CNTNAP5: variants seen among roughly 807,000 people sequenced by gnomAD.
The protein encoded by CNTNAP5 is contactin associated protein family member 5.
Under a neutral mutation model 150.2 loss-of-function variants are expected in CNTNAP5, and 72 were observed. That is an observed-to-expected ratio of 0.48 (90% CI 0.40 to 0.58). CNTNAP5 has a LOEUF of 0.58. Ranked by LOEUF, CNTNAP5 falls within the 20% of genes least tolerant of loss-of-function variation. The pLI is 0.00. For synonymous variants in CNTNAP5, 672 were observed against 619.8 expected (o/e 1.08, Z -1.25); for missense variants, 1,636 against 1,626.2 (o/e 1.01, Z -0.10).
At chr2:124,892,056 A>G (rs937443140) in intron 21 of CNTNAP5, among the ~76,000 whole-genome samples, 8 of 152,076 alleles carry the variant, frequency 5.3e-5, no homozygotes, top group African/African-American at 1.9e-4. Context: ...TAAGTCTAGA[A>G]AGAATTCTGG....
chr2:124,256,131 C>T (rs1427199237), intron 3 of CNTNAP5, among the ~76,000 whole-genome samples: 1 of 152,018 alleles, frequency 6.6e-6, no homozygotes, highest in Non-Finnish European at 1.5e-5. Flanking sequence ...TGGTACATTG[C>T]TTACATCTGT....
chr2:124,261,051 A>G (rs2104600933), intron 3 of CNTNAP5, among the ~76,000 whole-genome samples: 1 of 152,292 alleles, frequency 6.6e-6, no homozygotes, highest in East Asian at 1.9e-4. Context: ...ATAAAATTAG[A>G]AATGGCAAGG....
chr2:124,662,163 C>A (rs1187891118), intron 13 of CNTNAP5, among the ~76,000 whole-genome samples: 1 of 152,084 alleles, frequency 6.6e-6, no homozygotes, highest in Non-Finnish European at 1.5e-5. Flanking sequence ...TGAACTCATC[C>A]TTTTTTATGG....
At chr2:124,661,452 T>A (rs1270094084) in intron 13 of CNTNAP5, among the ~76,000 whole-genome samples, 2 of 152,164 alleles carry the variant, frequency 1.3e-5, no homozygotes, top group Non-Finnish European at 2.9e-5. Context: ...TATCTCCACA[T>A]CTTGTCCCAT....
chr2:124,894,566 T>G (rs1203828655), intron 21 of CNTNAP5, among the ~76,000 whole-genome samples: 1 of 151,156 alleles, frequency 6.6e-6, no homozygotes, highest in African/African-American at 2.5e-5. Flanking sequence ...TTTCTTTTTT[T>G]TTTTTAAGAC....
intron 1 of CNTNAP5, among the ~76,000 whole-genome samples, chr2:124,195,118 G>A (rs967051305): frequency 1.3e-5 from 2 of 152,086 alleles, no homozygotes; most frequent in East Asian, 1.9e-4. Flanking sequence ...AAGAATGCAC[G>A]TTTGAGCAAG....
chr2:124,292,671 T>G lies in CNTNAP5; in HGVS notation c.381+50278T>G, dbSNP rs113065126. Among the ~76,000 whole-genome samples the G allele has an allele frequency of 9.9e-4, 150 of 152,022 alleles. 1 individual carries two copies. Among genetic ancestry groups the G allele is most frequent in the African/African-American group, 3.5e-3 (144 of 41,442 alleles). Reference sequence around the variant, plus strand: ...ATAATATTTTTATTAAAGAAAGATATTATAAAAGGAGGAGAAAACACTTCG... The same window carrying G: ...ATAATATTTTTATTAAAGAAAGATAGTATAAAAGGAGGAGAAAACACTTCG... On this transcript the variant is annotated intron_variant, in intron 3 of 23. Coordinates refer to ENST00000682447, the MANE Select transcript of CNTNAP5 (RefSeq NM_001367498.1).
intron 22 of CNTNAP5, 37 bp from the exon 23 acceptor site, chr2:124,911,430 G>C (rs1678652679): frequency 1.3e-6 from 2 of 1,500,654 alleles, no homozygotes; most frequent in Non-Finnish European, 1.8e-6. Flanking sequence ...AGTGCTTTGA[G>C]TGAGAAGTAA....
chr2:124,159,790 C>A (rs1218446368), intron 1 of CNTNAP5, among the ~76,000 whole-genome samples: 1 of 152,028 alleles, frequency 6.6e-6, no homozygotes, highest in Non-Finnish European at 1.5e-5. Flanking sequence ...TATGGAGTAT[C>A]AACAAACAGC....
At chr2:124,470,671 G>A (rs1395692140) in intron 6 of CNTNAP5, among the ~76,000 whole-genome samples, 1 of 151,994 alleles carries the variant, frequency 6.6e-6, no homozygotes, top group Non-Finnish European at 1.5e-5. Flanking sequence ...CTATTGCCTA[G>A]GTTTTCTTCT....
intron 3 of CNTNAP5, among the ~76,000 whole-genome samples, chr2:124,245,478 T>C (rs772215275): frequency 3.3e-5 from 5 of 152,084 alleles, no homozygotes; most frequent in Non-Finnish European, 7.4e-5. Flanking sequence ...CAAAACTGTC[T>C]AAATTGTTTT....
intron 22 of CNTNAP5, among the ~76,000 whole-genome samples, chr2:124,909,117 G>A (rs1678601916): frequency 6.6e-6 from 1 of 152,234 alleles, no homozygotes; most frequent in Non-Finnish European, 1.5e-5. Flanking sequence ...GTAGAGTAAT[G>A]TCCTGGACCT....
At chr2:124,559,257 C>T (rs74637036) in intron 10 of CNTNAP5, among the ~76,000 whole-genome samples, 29,769 of 152,136 alleles carry the variant, frequency 0.2, 4,105 homozygotes, top group East Asian at 0.62. Context: ...ACTTTTAACC[C>T]TCTGACTTTT....
At chr2:124,327,001 G>T (rs1402199358) in intron 3 of CNTNAP5, among the ~76,000 whole-genome samples, 3 of 101,726 alleles carry the variant, frequency 2.9e-5, no homozygotes, top group South Asian at 3.3e-4. Context: ...TTTTTTTTGA[G>T]ATAGAGTCTC....
chr2:124,920,197 C>G lies in CNTNAP5; in HGVS notation c.*5909C>G, dbSNP rs1202407398. Among the ~76,000 whole-genome samples the G allele has an allele frequency of 6.6e-6, 1 of 152,076 alleles. No homozygotes were observed. The stretch of plus-strand genomic sequence containing the variant: ...ATTGTGTTAGTGATTAACGCCTGGT[C>G]TTATTTTAACGAGTGTCATAGTCTT... On this transcript the variant is annotated 3_prime_UTR_variant, in exon 24 of 24. Transcript: ENST00000682447.
intron 1 of CNTNAP5, among the ~76,000 whole-genome samples, chr2:124,097,186 A>G (rs11695031): frequency 0.098 from 14,910 of 152,106 alleles, 823 homozygotes; most frequent in Non-Finnish European, 0.13. Flanking sequence ...TATTTTAAGC[A>G]TTTTTATTTT....
At chr2:124,217,646 G>T (rs1452434847) in intron 1 of CNTNAP5, among the ~76,000 whole-genome samples, 2 of 152,092 alleles carry the variant, frequency 1.3e-5, no homozygotes, top group Non-Finnish European at 2.9e-5. Context: ...AACCTTTAAT[G>T]TGAATGAGCT....
At chr2:124,349,291 C>T (rs1351183498) in intron 3 of CNTNAP5, among the ~76,000 whole-genome samples, 1 of 152,096 alleles carries the variant, frequency 6.6e-6, no homozygotes, top group Non-Finnish European at 1.5e-5. Flanking sequence ...ATACTATAGA[C>T]AATTGCAACA....
At chr2:124,445,558 A>C (rs1453363941) in intron 5 of CNTNAP5, among the ~76,000 whole-genome samples, 1 of 152,212 alleles carries the variant, frequency 6.6e-6, no homozygotes, top group African/African-American at 2.4e-5. Flanking sequence ...TACTTTTCTA[A>C]TTATAATGAG....
Sources: allele counts gnomAD v4.1 joint callset (sites outside exome capture counted in the v4.1 genomes callset), GRCh38; gene constraint gnomAD v4.1.1; transcripts MANE v1.5; gene names NCBI Gene and HGNC (gene_info 2026-07-23, HGNC 2026-07-21).